The following RELL1 variants were observed in gnomAD, a reference collection of about 807,000 sequenced individuals.
RELL1 encodes the protein RELT like 1.
In RELL1, 10 loss-of-function variants were observed where a neutral mutation model predicts 23.0. The ratio of observed to expected loss-of-function variants is 0.43; its 90% CI spans 0.27 to 0.74. The LOEUF (loss-of-function observed/expected upper bound fraction) is 0.74. Ranked by LOEUF, RELL1 falls within the 30% of genes least tolerant of loss-of-function variation. The pLI is 0.19. For synonymous variants in RELL1, 146 were observed against 146.8 expected, an observed-to-expected ratio of 0.99 and a Z score of 0.04; for missense variants, 315 against 364.4, an observed-to-expected ratio of 0.86 and a Z score of 1.10.
intron 4 of RELL1, among the ~76,000 whole-genome samples, chr4:37,637,829 A>G (rs1020255543): frequency 6.6e-6 from 1 of 152,254 alleles, no homozygotes; most frequent in African/African-American, 2.4e-5. Context: ...ATAACCTAAA[A>G]TAGTAATACA....
Position 37,647,345 on chromosome 4 carries a change from T to C in RELL1, c.385+23A>G, listed in dbSNP as rs772407825. ...TAAAGGATAGGAATACTGAATTGTT[T>C]TGGAACACTAAAATGTTCACACCTT... On this transcript the variant is annotated intron_variant, in intron 3 of 6. Coordinates refer to ENST00000454158, the MANE Select transcript of RELL1 (RefSeq NM_001085400.2). 19 of 1,569,450 alleles carry C rather than the reference T, an allele frequency of 1.2e-5. No homozygotes were observed. The East Asian group carries it at 3.8e-4, about 31-fold the overall frequency.
At chr4:37,625,909 T>TA (rs57957917) in intron 6 of RELL1, among the ~76,000 whole-genome samples, 14,340 of 151,844 alleles carry the variant, frequency 0.094, 786 homozygotes, top group East Asian at 0.27. Flanking sequence ...AATAAAATGT[T>TA]AAAAAAATTG....
chr4:37,606,158 AAAG>A (rs1310565218), downstream of RELL1, among the ~76,000 whole-genome samples: 9 of 150,424 alleles, frequency 6.0e-5, no homozygotes, highest in South Asian at 4.3e-4. The surrounding 1 kb of genome is among the most constrained non-coding windows in gnomAD (Gnocchi z 4.1). Context: ...GAGAGAAAGA[AAAG>A]AAAGAAAAAA....
In RELL1 at chr4:37,647,476, T is replaced by C. The variant is rs758833619; in HGVS notation, c.314-37A>G. On this transcript the variant is annotated intron_variant, in intron 2 of 6. Coordinates refer to ENST00000454158, the MANE Select transcript of RELL1 (RefSeq NM_001085400.2). ...AAGAGGAGGGGAGAACAGGTTACAA[T>C]TGGTCACCAGCATCAAGTCAATCAA... The C allele has an allele frequency of 1.5e-5, 21 of 1,422,926 alleles. No homozygotes were observed. In the East Asian group the frequency reaches 2.5e-4, roughly 17 times the overall value. The allele number at this position is 1,422,926 out of a possible 1,614,324, so 88.1% of individuals were successfully genotyped here. A position where few individuals can be genotyped will look rare whatever the true frequency, so the allele number is the denominator to read the frequency against.
intron 6 of RELL1, among the ~76,000 whole-genome samples, chr4:37,596,402 C>A (rs1268703007): frequency 6.6e-6 from 1 of 151,220 alleles, no homozygotes; most frequent in Non-Finnish European, 1.5e-5. Context: ...GTAAGTAATT[C>A]TCCGCACTTG....
intron 1 of RELL1, among the ~76,000 whole-genome samples, chr4:37,684,349 C>CAAAA (rs372907719): frequency 0.039 from 5,421 of 137,678 alleles, 172 homozygotes; most frequent in African/African-American, 0.09. Context: ...TAATTTTCAT[C>CAAAA]AAAAAAAAAA....
intron 6 of RELL1, among the ~76,000 whole-genome samples, chr4:37,600,809 T>TG (rs1322415855): frequency 1.7e-5 from 1 of 57,916 alleles, no homozygotes; most frequent in Non-Finnish European, 3.4e-5. Context: ...GTGTGTGTAG[T>TG]TTTTGTTTGA....
chr4:37,602,102 A>G (rs1719030759), intron 6 of RELL1, among the ~76,000 whole-genome samples: 1 of 151,456 alleles, frequency 6.6e-6, no homozygotes, highest in African/African-American at 2.4e-5. Context: ...CTGCAGTCCC[A>G]GCTACTTGGG....
intron 6 of RELL1, among the ~76,000 whole-genome samples, chr4:37,600,131 G>A (rs569035586): frequency 1.3e-5 from 2 of 152,042 alleles, no homozygotes; most frequent in African/African-American, 4.8e-5. Flanking sequence ...TTAGCCAGGC[G>A]TGGTGGTGCA....
chr4:37,653,397 A>ACAAG (rs1721017672), intron 1 of RELL1, among the ~76,000 whole-genome samples: 4 of 102,300 alleles, frequency 3.9e-5, no homozygotes, highest in Non-Finnish European at 2.5e-5. Flanking sequence ...AAACCTCAAT[A>ACAAG]TTCAATACAA....
At chr4:37,641,193 CTGAG>C (rs1246235791) in intron 3 of RELL1, among the ~76,000 whole-genome samples, 1 of 152,114 alleles carries the variant, frequency 6.6e-6, no homozygotes, top group Non-Finnish European at 1.5e-5. Context: ...CCTTGGTTTG[CTGAG>C]TGAGTCTCTA....
chr4:37,602,064 T>A (rs542928211), intron 6 of RELL1, among the ~76,000 whole-genome samples: 2 of 151,656 alleles, frequency 1.3e-5, no homozygotes, highest in East Asian at 3.9e-4. Context: ...AAATACAAAA[T>A]AAAGTAGCTG....
intron 6 of RELL1, among the ~76,000 whole-genome samples, chr4:37,619,213 C>T (rs1445455977): frequency 2.0e-5 from 3 of 148,736 alleles, no homozygotes; most frequent in South Asian, 2.1e-4. Flanking sequence ...GAAGGAGCCT[C>T]GCTCTGTCAC....
At chr4:37,591,194 G>A (rs565817662) in exon 7 of RELL1, 16 of 530,342 alleles carry the variant, frequency 3.0e-5, no homozygotes, top group Non-Finnish European at 5.0e-5. Context: ...TTCACTCTGT[G>A]TAGATGAGCT....
intron 6 of RELL1, among the ~76,000 whole-genome samples, chr4:37,621,074 T>A (rs1719745261): frequency 6.6e-6 from 1 of 152,220 alleles, no homozygotes; most frequent in South Asian, 2.1e-4. Flanking sequence ...ACCACTACAG[T>A]ATCCTATGTC....
chr4:37,621,462 T>A (rs892011070), intron 6 of RELL1, among the ~76,000 whole-genome samples: 31 of 151,148 alleles, frequency 2.1e-4, no homozygotes, highest in African/African-American at 7.3e-4. Context: ...TCTCAAAAAA[T>A]AATAATAATA....
downstream of RELL1, chr4:37,588,802 A>G (rs1187486199): frequency 3.7e-6 from 5 of 1,351,772 alleles, no homozygotes; most frequent in Non-Finnish European, 5.3e-6. Flanking sequence ...TCCTACTAAT[A>G]TATCACTCAC....
chr4:37,658,005 A>T (rs2109293853), intron 1 of RELL1, among the ~76,000 whole-genome samples: 1 of 152,240 alleles, frequency 6.6e-6, no homozygotes, highest in South Asian at 2.1e-4. Flanking sequence ...ACTACTGGGG[A>T]AGCTTGGGTA....
chr4:37,600,534 A>G (rs559336933), intron 6 of RELL1, among the ~76,000 whole-genome samples: 53 of 152,310 alleles, frequency 3.5e-4, no homozygotes, highest in Admixed American at 2.4e-3. Flanking sequence ...CATTATCTTC[A>G]TCATTTAACA....
Sources: gnomAD v4.1 joint callset for allele counts (sites outside exome capture counted in the v4.1 genomes callset) on GRCh38, gnomAD v4.1.1 for gene constraint, Gnocchi (gnomAD v3.1) non-coding constraint, MANE v1.5 for transcripts, NCBI Gene and HGNC (gene_info 2026-07-23, HGNC 2026-07-21) for gene names.